DMD: variants seen among roughly 807,000 people sequenced by gnomAD.
The protein encoded by DMD is mutant dystrophin.
Under a neutral mutation model 330.1 loss-of-function variants are expected in DMD, and 63 were observed. That is an observed-to-expected ratio of 0.19 (90% CI 0.16 to 0.24). The LOEUF (loss-of-function observed/expected upper bound fraction) is 0.24. Ranked by LOEUF, DMD falls within the 10% of genes least tolerant of loss-of-function variation. The pLI is 1.00. For missense variants in DMD, 3,344 were observed against 2,684.1 expected, an observed-to-expected ratio of 1.25 and a Z score of -5.43; for synonymous variants, 1,223 against 959.8, an observed-to-expected ratio of 1.27 and a Z score of -5.07.
chrX:32,632,821 C>G (rs1273882378), intron 11 of DMD, among the ~76,000 whole-genome samples: 4 of 112,348 alleles, frequency 3.6e-5, no homozygotes, highest in Non-Finnish European at 7.5e-5. Flanking sequence ...CCATTCTGTC[C>G]TCTTAGGCCT....
chrX:32,679,722 AT>A (rs1490373255), intron 9 of DMD, among the ~76,000 whole-genome samples: 1 of 109,229 alleles, frequency 9.2e-6, no homozygotes, highest in Non-Finnish European at 1.9e-5. Context: ...AAATAATAAA[AT>A]AGAAGTTTTA....
chrX:32,273,177 A>T (rs1417617169), intron 43 of DMD, among the ~76,000 whole-genome samples: 1 of 111,018 alleles, frequency 9.0e-6, no homozygotes, highest in African/African-American at 3.3e-5. Context: ...CCAGAGTAAG[A>T]TGCGGGCTGA....
intron 62 of DMD, among the ~76,000 whole-genome samples, chrX:31,288,680 A>G (rs1292106194): frequency 8.9e-6 from 1 of 111,969 alleles, no homozygotes; most frequent in Non-Finnish European, 1.9e-5. Context: ...CCACAGAGAC[A>G]TGAAGACGAA....
chrX:31,368,573 C>T (rs1252135109), intron 60 of DMD, among the ~76,000 whole-genome samples: 2 of 111,794 alleles, frequency 1.8e-5, no homozygotes, highest in Admixed American at 9.5e-5. Flanking sequence ...CAGAGAATTG[C>T]TCATCTTTCT....
intron 1 of DMD, among the ~76,000 whole-genome samples, chrX:33,141,215 G>C (rs1230132869): frequency 9.0e-6 from 1 of 111,222 alleles, no homozygotes; most frequent in African/African-American, 3.3e-5. Flanking sequence ...TCTGATAACT[G>C]CTTCTTATAA....
chrX:32,632,174 C>A (rs1232589067), intron 11 of DMD, among the ~76,000 whole-genome samples: 1 of 112,111 alleles, frequency 8.9e-6, no homozygotes, highest in African/African-American at 3.2e-5. Flanking sequence ...AAGTCTGAAA[C>A]CCAGCAGGGT....
chrX:31,502,260 G>A (rs2070475931), intron 56 of DMD, among the ~76,000 whole-genome samples: 3 of 111,278 alleles, frequency 2.7e-5, no homozygotes, highest in African/African-American at 9.8e-5. Context: ...AAGAACCACA[G>A]AATTAAAATG....
At chrX:32,190,550 T>TTAGATATA (rs1198323604) in intron 44 of DMD, among the ~76,000 whole-genome samples, 6 of 62,534 alleles carry the variant, frequency 9.6e-5, no homozygotes, top group Admixed American at 7.4e-4. Flanking sequence ...ATTTAAAATT[T>TTAGATATA]TATATATATA....
intron 1 of DMD, among the ~76,000 whole-genome samples, chrX:33,282,061 G>A (rs773116748): frequency 3.3e-4 from 36 of 110,354 alleles, no homozygotes; most frequent in Non-Finnish European, 5.9e-4. Context: ...AGCGTCCAAC[G>A]GGCTTCCCAG....
chrX:32,315,343 A>G (rs1403692130), intron 41 of DMD, among the ~76,000 whole-genome samples: 1 of 110,183 alleles, frequency 9.1e-6, no homozygotes, highest in Non-Finnish European at 1.9e-5. Flanking sequence ...CAATGAAAAC[A>G]TATGGCCGCA....
At chrX:32,085,618 GTA>G (rs202080218) in intron 44 of DMD, among the ~76,000 whole-genome samples, 5 of 77,818 alleles carry the variant, frequency 6.4e-5, no homozygotes, top group Non-Finnish European at 1.0e-4. Context: ...ATATATATAC[GTA>G]TATATATACA....
Position 32,513,355 on chromosome X carries a change from G to C in DMD, c.2292+4653C>G, listed in dbSNP as rs138270244. Among the ~76,000 whole-genome samples the C allele has an allele frequency of 4.7e-3, 524 of 112,388 alleles. 2 individuals are homozygous for C. Among genetic ancestry groups the C allele is most frequent in the African/African-American group, 0.016 (494 of 30,907 alleles). On this transcript the variant is annotated intron_variant, in intron 18 of 78. Coordinates refer to ENST00000357033, the MANE Select transcript of DMD (RefSeq NM_004006.3). Reference sequence around the variant, plus strand: ...TTAATATGTTCGCTTTGGCAGAGGTGATGTGGAAACTTCTAAAGGAATATA... The same window carrying C: ...TTAATATGTTCGCTTTGGCAGAGGTCATGTGGAAACTTCTAAAGGAATATA...
intron 44 of DMD, among the ~76,000 whole-genome samples, chrX:32,141,678 AACACACAC>A (rs56858722): frequency 0.043 from 3,758 of 87,969 alleles, 83 homozygotes; most frequent in African/African-American, 0.067. Flanking sequence ...TATAGAGTGC[AACACACAC>A]ACACACACAC....
chrX:33,112,595 T>C (rs2095348237), intron 1 of DMD, among the ~76,000 whole-genome samples: 1 of 111,324 alleles, frequency 9.0e-6, no homozygotes, highest in Non-Finnish European at 1.9e-5. Flanking sequence ...CTATCCCCCT[T>C]TGAACTATAA....
At chrX:31,493,287 T>C (rs780701235) in intron 57 of DMD, among the ~76,000 whole-genome samples, 78 of 112,170 alleles carry the variant, frequency 7.0e-4, no homozygotes, top group African/African-American at 2.3e-3. Flanking sequence ...GAGTAGTCGA[T>C]ATTTATCAAA....
chrX:33,317,957 C>G (rs773609727), intron 1 of DMD, among the ~76,000 whole-genome samples: 2 of 111,436 alleles, frequency 1.8e-5, no homozygotes, highest in East Asian at 5.7e-4. Flanking sequence ...TGTCTGATTT[C>G]AGTAAAGGAG....
chrX:31,159,194 G>C (rs1458655227), intron 74 of DMD, among the ~76,000 whole-genome samples: 1 of 111,789 alleles, frequency 8.9e-6, no homozygotes, highest in African/African-American at 3.3e-5. Context: ...ACATTCTAGA[G>C]TGTGGGATAT....
chrX:32,698,811 A>C (rs192092632), intron 8 of DMD, among the ~76,000 whole-genome samples: 24 of 111,200 alleles, frequency 2.2e-4, no homozygotes, highest in African/African-American at 6.2e-4. Flanking sequence ...TATGTACGTA[A>C]GTTTGCCTTT....
intron 16 of DMD, among the ~76,000 whole-genome samples, chrX:32,563,628 C>T (rs1406138607): frequency 9.0e-6 from 1 of 111,342 alleles, no homozygotes; most frequent in East Asian, 2.8e-4. Context: ...AGGTGGTGGT[C>T]TCATAATTTC....
Sources: allele counts gnomAD v4.1 joint callset (sites outside exome capture counted in the v4.1 genomes callset), GRCh38; gene constraint gnomAD v4.1.1; transcripts MANE v1.5; gene names NCBI Gene and HGNC (gene_info 2026-07-23, HGNC 2026-07-21).